The following ATXN1 variants were observed in gnomAD, a reference collection of about 807,000 sequenced individuals.
The protein encoded by ATXN1 is ataxin-1.
Under a neutral mutation model 56.4 loss-of-function variants are expected in ATXN1, and 8 were observed. That is an observed-to-expected ratio of 0.14 (90% CI 0.08 to 0.26). ATXN1 has a LOEUF of 0.26. Among genes scored for constraint, ATXN1 ranks in the 10% least tolerant of loss-of-function variants. ATXN1 has a pLI of 1.00. For missense variants in ATXN1, 987 were observed against 1,106.5 expected, an observed-to-expected ratio of 0.89 and a Z score of 1.53; for synonymous variants, 514 against 494.6, an observed-to-expected ratio of 1.04 and a Z score of -0.52.
chr6:16,690,490 A>G (rs1453358094), intron 2 of ATXN1, among the ~76,000 whole-genome samples: 1 of 152,044 alleles, frequency 6.6e-6, no homozygotes, highest in African/African-American at 2.4e-5. Flanking sequence ...AAGGTAATTA[A>G]CCTCTTGATG....
At chr6:16,573,168 C>A (rs1323655345) in intron 4 of ATXN1, among the ~76,000 whole-genome samples, 1 of 152,190 alleles carries the variant, frequency 6.6e-6, no homozygotes, top group Non-Finnish European at 1.5e-5. Flanking sequence ...CACATTCCAG[C>A]GTAAGCAGAT....
At chr6:16,311,662 G>A (rs532224227) in intron 7 of ATXN1, among the ~76,000 whole-genome samples, 2 of 152,274 alleles carry the variant, frequency 1.3e-5, no homozygotes, top group South Asian at 4.1e-4. Flanking sequence ...GTATCAGATG[G>A]GGATACCCAC....
At chr6:16,686,170 T>C (rs1758913224) in intron 2 of ATXN1, among the ~76,000 whole-genome samples, 1 of 152,216 alleles carries the variant, frequency 6.6e-6, no homozygotes, top group African/African-American at 2.4e-5. Flanking sequence ...GGCAATAAGG[T>C]TTTTGGTAAT....
chr6:16,602,080 C>T (rs979088090), intron 3 of ATXN1, among the ~76,000 whole-genome samples: 1 of 152,114 alleles, frequency 6.6e-6, no homozygotes, highest in Non-Finnish European at 1.5e-5. Context: ...GTATACTAAG[C>T]ATCAGCAAAG....
intron 6 of ATXN1, among the ~76,000 whole-genome samples, chr6:16,357,186 A>G (rs1383935898): frequency 2.0e-5 from 3 of 152,002 alleles, no homozygotes; most frequent in Non-Finnish European, 4.4e-5. Flanking sequence ...AATATGCACT[A>G]CTAAGGTCCT....
chr6:16,489,396 C>G (rs1372292861), intron 5 of ATXN1, among the ~76,000 whole-genome samples: 1 of 152,150 alleles, frequency 6.6e-6, no homozygotes, highest in Non-Finnish European at 1.5e-5. Flanking sequence ...GTCAGCCCTC[C>G]ACAAACTCAA....
At chr6:16,564,953 C>A (rs933956709) in intron 4 of ATXN1, among the ~76,000 whole-genome samples, 8 of 152,092 alleles carry the variant, frequency 5.3e-5, no homozygotes, top group African/African-American at 1.4e-4. Flanking sequence ...GAATACTGTA[C>A]ACGGAATACA....
At chr6:16,682,202 A>ATTTTTTTTTTTT (rs1561806475) in intron 2 of ATXN1, among the ~76,000 whole-genome samples, 3 of 50,034 alleles carry the variant, frequency 6.0e-5, no homozygotes, top group African/African-American at 1.0e-4. Flanking sequence ...ACTGGGGAGA[A>ATTTTTTTTTTTT]CTTTTTTTTT....
At chr6:16,501,481 C>G (rs902066637) in intron 5 of ATXN1, among the ~76,000 whole-genome samples, 1 of 152,106 alleles carries the variant, frequency 6.6e-6, no homozygotes, top group African/African-American at 2.4e-5. Flanking sequence ...CCTTGCCCCC[C>G]ACTCACCGAT....
At chr6:16,372,296 A>G (rs934478721) in intron 6 of ATXN1, among the ~76,000 whole-genome samples, 3 of 152,158 alleles carry the variant, frequency 2.0e-5, no homozygotes, top group Admixed American at 2.0e-4. Context: ...GGAAAAGGGA[A>G]ATTAAAAGAA....
intron 4 of ATXN1, among the ~76,000 whole-genome samples, chr6:16,531,953 T>C (rs930297148): frequency 2.6e-5 from 4 of 152,148 alleles, no homozygotes; most frequent in African/African-American, 9.7e-5. Context: ...CAGCCAAAGG[T>C]TGGCAAACTT....
chr6:16,721,152 C>T (rs557134871), intron 2 of ATXN1, among the ~76,000 whole-genome samples: 1 of 152,176 alleles, frequency 6.6e-6, no homozygotes, highest in African/African-American at 2.4e-5. Context: ...TACTCAATTA[C>T]TCACACATTT....
chr6:16,427,051 G>A (rs1759172130), intron 6 of ATXN1, among the ~76,000 whole-genome samples: 1 of 152,100 alleles, frequency 6.6e-6, no homozygotes, highest in South Asian at 2.1e-4. Context: ...AAGAGCAGGA[G>A]GCATCTTTGT....
intron 2 of ATXN1, among the ~76,000 whole-genome samples, chr6:16,678,974 T>C (rs905787102): frequency 1.3e-5 from 2 of 150,756 alleles, no homozygotes; most frequent in African/African-American, 4.9e-5. Context: ...AGACAGAGGT[T>C]GCGGTAAGCC....
At chr6:16,384,221 A>G (rs1758192560) in intron 6 of ATXN1, among the ~76,000 whole-genome samples, 2 of 152,242 alleles carry the variant, frequency 1.3e-5, no homozygotes, top group Non-Finnish European at 2.9e-5. Flanking sequence ...GCTTTAAAAA[A>G]TACTCAGGAC....
chr6:16,560,171 T>C (rs1454368652), intron 4 of ATXN1, among the ~76,000 whole-genome samples: 4 of 152,148 alleles, frequency 2.6e-5, no homozygotes, highest in African/African-American at 9.7e-5. Context: ...GGTCTTCCAA[T>C]GGTCATCAGT....
chr6:16,575,527 C>A (rs1447184285), intron 4 of ATXN1, among the ~76,000 whole-genome samples: 2 of 152,202 alleles, frequency 1.3e-5, no homozygotes, highest in Non-Finnish European at 1.5e-5. Context: ...CATTTCAGAG[C>A]AGACACAGCC....
chr6:16,663,058 T>C (rs1212407965), intron 2 of ATXN1, among the ~76,000 whole-genome samples: 1 of 149,852 alleles, frequency 6.7e-6, no homozygotes, highest in Non-Finnish European at 1.5e-5. Flanking sequence ...CTGCAACCTC[T>C]GCCTCCCGGG....
At chr6:16,658,807 C>T (rs1275724971) in intron 2 of ATXN1, among the ~76,000 whole-genome samples, 1 of 152,174 alleles carries the variant, frequency 6.6e-6, no homozygotes, top group Non-Finnish European at 1.5e-5. Context: ...TGTTGAAAAC[C>T]CATCGGCTGA....
Sources: allele counts gnomAD v4.1 joint callset (sites outside exome capture counted in the v4.1 genomes callset), GRCh38; gene constraint gnomAD v4.1.1; transcripts MANE v1.5; gene names NCBI Gene and HGNC (gene_info 2026-07-23, HGNC 2026-07-21).